CCDC3: variants seen among roughly 807,000 people sequenced by gnomAD.
CCDC3 encodes the protein coiled-coil domain-containing protein 3.
A neutral mutation model predicts 21.4 loss-of-function variants in CCDC3; 24 were observed. The ratio of observed to expected loss-of-function variants is 1.12; its 90% CI spans 0.81 to 1.58. CCDC3 has a LOEUF of 1.58. Ranked by LOEUF, CCDC3 falls within the 40% of genes most tolerant of loss-of-function variation. The probability of loss-of-function intolerance (pLI) is 0.00; values close to 1 mark genes in which losing one functional copy is unlikely to be tolerated. For missense variants in CCDC3, 425 were observed against 360.9 expected, an observed-to-expected ratio of 1.18 and a Z score of -1.44; for synonymous variants, 186 against 166.0, an observed-to-expected ratio of 1.12 and a Z score of -0.93.
At chr10:12,927,225 C>CTCATTTCA (rs1170919238) in intron 2 of CCDC3, among the ~76,000 whole-genome samples, 1 of 152,190 alleles carries the variant, frequency 6.6e-6, no homozygotes, top group East Asian at 1.9e-4. Flanking sequence ...ACTTCCGCCT[C>CTCATTTCA]TCATTTCATC....
At chr10:13,083,472 A>G (rs1442790839) in intron 3 of CCDC3, among the ~76,000 whole-genome samples, 1 of 152,264 alleles carries the variant, frequency 6.6e-6, no homozygotes, top group East Asian at 1.9e-4. Flanking sequence ...TTTAAAGACT[A>G]ACTTCCTTCA....
intron 2 of CCDC3, among the ~76,000 whole-genome samples, chr10:12,917,180 C>CTTTTTTTTTTTTT (rs56054100): frequency 3.4e-5 from 2 of 58,222 alleles, no homozygotes; most frequent in African/African-American, 1.4e-4. Flanking sequence ...ATTTCTTCTT[C>CTTTTTTTTTTTTT]TTTTTTTTTT....
intron 4 of CCDC3, chr10:13,058,808 A>G: frequency 5.2e-6 from 1 of 192,300 alleles, no homozygotes. Flanking sequence ...GTGGATGATG[A>G]GGGAAGAGAG....
At chr10:12,967,455 T>A (rs922319658) in intron 2 of CCDC3, among the ~76,000 whole-genome samples, 6 of 152,054 alleles carry the variant, frequency 3.9e-5, no homozygotes, top group Admixed American at 3.9e-4. Flanking sequence ...ATAATCAACA[T>A]TAGAAATTTA....
In CCDC3 at chr10:12,898,487, TCTCA is replaced by T; in HGVS notation, c.738_741del (p.Ser246ArgfsTer41). The stretch of plus-strand genomic sequence containing the variant: ...TGCGGCAGCGCGCCCGCCGCCAGCT[TCTCA>T]CTGAGTTTCTGGTTCGCCAGCTCCA... On this transcript the variant is annotated frameshift_variant, in exon 3 of 3. Coordinates refer to ENST00000378825, the MANE Select transcript of CCDC3 (RefSeq NM_031455.4). LOFTEE classifies it high-confidence loss of function. 6.2e-7 allele frequency: 1 copy of T among 1,613,694 alleles called. No homozygotes were observed. The highest frequency in any genetic ancestry group is 8.5e-7 in the Non-Finnish European group (1 of 1,179,642).
intron 5 of CCDC3, among the ~76,000 whole-genome samples, chr10:13,016,072 A>T (rs1420025475): frequency 6.6e-6 from 1 of 152,002 alleles, no homozygotes; most frequent in East Asian, 1.9e-4. Flanking sequence ...AAATATATAC[A>T]CCTACTATGT....
chr10:12,917,487 C>G (rs1046680745), intron 2 of CCDC3, among the ~76,000 whole-genome samples: 11 of 152,192 alleles, frequency 7.2e-5, no homozygotes, highest in South Asian at 2.1e-4. Context: ...TGAGCCACTG[C>G]GCCCGGCCAG....
At chr10:12,917,714 G>A (rs1451944564) in intron 2 of CCDC3, among the ~76,000 whole-genome samples, 1 of 152,162 alleles carries the variant, frequency 6.6e-6, no homozygotes, top group African/African-American at 2.4e-5. Context: ...AATTTACATG[G>A]TATAAAAACA....
chr10:12,916,786 G>T (rs1049493143), intron 2 of CCDC3, among the ~76,000 whole-genome samples: 1 of 152,228 alleles, frequency 6.6e-6, no homozygotes, highest in African/African-American at 2.4e-5. Context: ...AGGCTGGCCT[G>T]GAGGCTGGGT....
intron 2 of CCDC3, among the ~76,000 whole-genome samples, chr10:12,990,631 G>C (rs1262570925): frequency 1.3e-5 from 2 of 152,158 alleles, no homozygotes; most frequent in Admixed American, 6.5e-5. Flanking sequence ...TTTTAAGAAA[G>C]TTGCCACTGT....
intron 2 of CCDC3, among the ~76,000 whole-genome samples, chr10:12,980,462 A>C (rs1191933039): frequency 6.6e-6 from 1 of 152,216 alleles, no homozygotes; most frequent in East Asian, 1.9e-4. Context: ...CCTCCGTGCC[A>C]GCTGAGAAAG....
upstream of CCDC3, among the ~76,000 whole-genome samples, chr10:13,002,866 C>A (rs1260754439): frequency 6.6e-6 from 1 of 152,118 alleles, no homozygotes; most frequent in Non-Finnish European, 1.5e-5. Flanking sequence ...CAGACGGCCA[C>A]CTTCTCACTG....
At chr10:13,084,966 A>G (rs1329581054) in intron 3 of CCDC3, among the ~76,000 whole-genome samples, 1 of 152,200 alleles carries the variant, frequency 6.6e-6, no homozygotes, top group Non-Finnish European at 1.5e-5. Flanking sequence ...AGTCACATAC[A>G]AAAAAGTTTT....
upstream of CCDC3, among the ~76,000 whole-genome samples, chr10:13,002,452 A>C (rs1295721989): frequency 6.6e-6 from 1 of 152,122 alleles, no homozygotes; most frequent in Non-Finnish European, 1.5e-5. Flanking sequence ...CAGTGGCTCC[A>C]TCAGGGCTCA....
chr10:13,088,001 C>G (rs899301777), intron 3 of CCDC3, among the ~76,000 whole-genome samples: 1 of 152,152 alleles, frequency 6.6e-6, no homozygotes, highest in East Asian at 1.9e-4. Context: ...TCTTTGTGTG[C>G]GTTTGAGAAA....
chr10:13,080,345 A>G (rs565575819), intron 3 of CCDC3, among the ~76,000 whole-genome samples: 29 of 152,358 alleles, frequency 1.9e-4, no homozygotes, highest in African/African-American at 6.7e-4. Flanking sequence ...AAGTTAAAGC[A>G]TGTCAAAGAT....
chr10:13,090,091 C>CTTTTTT (rs1231936142), intron 3 of CCDC3, among the ~76,000 whole-genome samples: 1 of 106,436 alleles, frequency 9.4e-6, no homozygotes, highest in Non-Finnish European at 1.9e-5. Context: ...CCGTTTCTTT[C>CTTTTTT]TTTTTTTTTT....
intron 3 of CCDC3, among the ~76,000 whole-genome samples, chr10:13,084,457 T>A (rs553521914): frequency 8.5e-5 from 13 of 152,124 alleles, no homozygotes; most frequent in Non-Finnish European, 1.9e-4. Flanking sequence ...CCTGGCTAAT[T>A]TTGTATTTTT....
chr10:13,019,552 A>G (rs1014467765), intron 5 of CCDC3, among the ~76,000 whole-genome samples: 1 of 152,244 alleles, frequency 6.6e-6, no homozygotes, highest in South Asian at 2.1e-4. Context: ...ACCCCTAAGT[A>G]AAGTACTTGG....
Sources: allele counts gnomAD v4.1 joint callset (sites outside exome capture counted in the v4.1 genomes callset), GRCh38; gene constraint gnomAD v4.1.1; transcripts MANE v1.5; gene names NCBI Gene and HGNC (gene_info 2026-07-23, HGNC 2026-07-21).